The following FAM81B variants were observed in gnomAD, a reference collection of about 807,000 sequenced individuals.
FAM81B encodes protein FAM81B.
A neutral mutation model predicts 58.7 loss-of-function variants in FAM81B; 60 were observed. The observed-to-expected ratio is 1.02, with a 90% CI of 0.83 to 1.27. FAM81B has a LOEUF of 1.27. Ranked by LOEUF, FAM81B falls within the 50% of genes most tolerant of loss-of-function variation. The probability of loss-of-function intolerance (pLI) is 0.00; values close to 1 mark genes in which losing one functional copy is unlikely to be tolerated. For missense variants in FAM81B, 491 were observed against 522.0 expected, an observed-to-expected ratio of 0.94 and a Z score of 0.58; for synonymous variants, 189 against 179.6, an observed-to-expected ratio of 1.05 and a Z score of -0.42.
At chr5:95,437,475 G>A (rs1362696725) in intron 7 of FAM81B, among the ~76,000 whole-genome samples, 1 of 152,170 alleles carries the variant, frequency 6.6e-6, no homozygotes, top group Non-Finnish European at 1.5e-5. Context: ...CTCCTGAGTA[G>A]CTGGGATTAC....
intron 7 of FAM81B, among the ~76,000 whole-genome samples, chr5:95,440,863 C>T (rs1010334614): frequency 5.3e-5 from 8 of 152,108 alleles, no homozygotes; most frequent in Non-Finnish European, 8.8e-5. Flanking sequence ...AAAAAAAGAG[C>T]AGAGCTGCTG....
intron 4 of FAM81B, among the ~76,000 whole-genome samples, chr5:95,419,503 T>C (rs1055115643): frequency 3.3e-5 from 5 of 152,168 alleles, no homozygotes; most frequent in African/African-American, 1.2e-4. Context: ...AATTTTTTTC[T>C]ATGGACAAGC....
intron 3 of FAM81B, among the ~76,000 whole-genome samples, chr5:95,411,822 A>C (rs1762412327): frequency 6.6e-6 from 1 of 152,238 alleles, no homozygotes; most frequent in Non-Finnish European, 1.5e-5. Context: ...ACACAAAGTC[A>C]ATGTTGTGAT....
intron 3 of FAM81B, among the ~76,000 whole-genome samples, chr5:95,403,243 GCTTCCCTCCC>G (rs1762160233): frequency 2.0e-5 from 3 of 151,984 alleles, no homozygotes; most frequent in Middle Eastern, 3.4e-3. Context: ...TATTTTAACA[GCTTCCCTCCC>G]TCACCCTCCC....
At chr5:95,437,174 TTTAC>T (rs1284189403) in intron 7 of FAM81B, among the ~76,000 whole-genome samples, 1 of 152,068 alleles carries the variant, frequency 6.6e-6, no homozygotes, top group African/African-American at 2.4e-5. Context: ...TCCTGTAATT[TTTAC>T]TTATTATCAA....
chr5:95,421,678 C>CAA (rs59129867), intron 5 of FAM81B, among the ~76,000 whole-genome samples: 18 of 151,760 alleles, frequency 1.2e-4, no homozygotes, highest in East Asian at 3.9e-4. Context: ...TGGTAGAATA[C>CAA]AAAAAAAGGT....
intron 6 of FAM81B, among the ~76,000 whole-genome samples, chr5:95,436,581 C>G (rs1297136219): frequency 6.6e-6 from 1 of 152,190 alleles, no homozygotes; most frequent in Non-Finnish European, 1.5e-5. Flanking sequence ...ATGGAACACT[C>G]CCTATTATTC....
intron 6 of FAM81B, among the ~76,000 whole-genome samples, chr5:95,435,085 C>A (rs544679849): frequency 6.6e-6 from 1 of 152,254 alleles, no homozygotes; most frequent in East Asian, 1.9e-4. Flanking sequence ...GTTCCTTGAA[C>A]AAAAGTCACG....
intron 3 of FAM81B, among the ~76,000 whole-genome samples, chr5:95,407,044 C>T (rs979570807): frequency 1.8e-4 from 28 of 152,108 alleles, no homozygotes; most frequent in Non-Finnish European, 1.5e-4. Context: ...GCAGAGACAA[C>T]AGGACCCCTG....
Position 95,450,213 on chromosome 5 carries a change from A to G in FAM81B, c.1290A>G (p.Leu430=), listed in dbSNP as rs377294269. Reference sequence around the variant, plus strand: ...AAATACAGAAAACAAAGATGGATTTAGAGAAATATAAAGTACAGAAAGACC... The same window carrying G: ...AAATACAGAAAACAAAGATGGATTTGGAGAAATATAAAGTACAGAAAGACC... The part of the protein sequence containing the change: ...LQQIQKTKMD[L]EKYKVQKDLK... The change falls in exon 10 of 10, where the codon TTA becomes TTG. Residue 430 remains leucine (L), a synonymous_variant. Transcript: ENST00000283357. The G allele has an allele frequency of 2.2e-5, 35 of 1,613,334 alleles. No homozygotes were observed. The highest frequency in any genetic ancestry group is 2.9e-5 in the Non-Finnish European group (34 of 1,179,666).
chr5:95,401,489 G>A (rs1289876909), intron 3 of FAM81B, among the ~76,000 whole-genome samples: 1 of 152,038 alleles, frequency 6.6e-6, no homozygotes, highest in Non-Finnish European at 1.5e-5. Context: ...AAGCAACACA[G>A]AAACTATAGA....
At chr5:95,400,777 C>A (rs1762091444) in intron 3 of FAM81B, among the ~76,000 whole-genome samples, 1 of 152,080 alleles carries the variant, frequency 6.6e-6, no homozygotes, top group South Asian at 2.1e-4. Context: ...TCAGGAGTCC[C>A]TCTCTCCACA....
intron 9 of FAM81B, chr5:95,448,691 GA>G: frequency 6.2e-6 from 3 of 481,702 alleles, no homozygotes; most frequent in Non-Finnish European, 1.1e-5. Context: ...CCATTGGTGT[GA>G]ATTTTTTTTT....
Position 95,446,548 on chromosome 5 carries a change from A to C in FAM81B, c.894-14A>C. 6.4e-7 allele frequency: 1 copy of C among 1,558,504 alleles called. No individual in the cohort carries two copies. The highest frequency in any genetic ancestry group is 8.6e-7 in the Non-Finnish European group (1 of 1,157,606). ...TTAACTTATTTAAATGAAACAAAAC[A>C]TTTTTTCCCATAGATTTCATTCACT... On this transcript the variant is annotated splice_polypyrimidine_tract_variant and intron_variant, in intron 7 of 9. Coordinates refer to ENST00000283357, the MANE Select transcript of FAM81B (RefSeq NM_152548.3).
At chr5:95,421,142 G>A (rs1029245635) in intron 5 of FAM81B, among the ~76,000 whole-genome samples, 2 of 152,134 alleles carry the variant, frequency 1.3e-5, no homozygotes, top group Non-Finnish European at 2.9e-5. Flanking sequence ...CTTATGCCAG[G>A]CCGTGTAATG....
At chr5:95,403,880 C>G (rs968402063) in intron 3 of FAM81B, among the ~76,000 whole-genome samples, 2 of 152,148 alleles carry the variant, frequency 1.3e-5, no homozygotes, top group African/African-American at 4.8e-5. Flanking sequence ...AGAATGGAAT[C>G]TTTATGATTA....
intron 3 of FAM81B, chr5:95,396,467 G>A: frequency 4.2e-6 from 1 of 237,478 alleles, no homozygotes; most frequent in East Asian, 8.6e-5. Flanking sequence ...ATTGCATATT[G>A]CAACAATATC....
chr5:95,426,706 A>C (rs1260848220), intron 5 of FAM81B, among the ~76,000 whole-genome samples: 2 of 152,104 alleles, frequency 1.3e-5, no homozygotes, highest in Non-Finnish European at 2.9e-5. Context: ...CCATGGCATC[A>C]TTTCCCCTTT....
At chr5:95,392,633 T>C (rs372420400) in intron 1 of FAM81B, among the ~76,000 whole-genome samples, 161 bp from the exon 2 acceptor site, 3 of 151,902 alleles carry the variant, frequency 2.0e-5, no homozygotes, top group Non-Finnish European at 4.4e-5. Flanking sequence ...TGGGGGAGAA[T>C]TGGGATAAGT....
Sources: allele counts gnomAD v4.1 joint callset (sites outside exome capture counted in the v4.1 genomes callset), GRCh38; gene constraint gnomAD v4.1.1; transcripts MANE v1.5; gene names NCBI Gene and HGNC (gene_info 2026-07-23, HGNC 2026-07-21).